The following FBXO16 variants were observed in gnomAD, a reference collection of about 807,000 sequenced individuals.
The protein encoded by FBXO16 is F-box only protein 16.
In FBXO16, 31 loss-of-function variants were observed where a neutral mutation model predicts 41.0. The observed-to-expected ratio is 0.76, with a 90% confidence interval of 0.57 to 1.02. The LOEUF (loss-of-function observed/expected upper bound fraction) is 1.02, where lower values mean the gene tolerates loss of function less well. FBXO16 is among the 50% of genes least tolerant of loss of function. The pLI is 0.00. For synonymous variants in FBXO16, 133 were observed against 117.8 expected (o/e 1.13, Z -0.84); for missense variants, 361 against 346.2 (o/e 1.04, Z -0.34).
At chr8:28,430,740 G>T (rs992514629) in intron 7 of FBXO16, among the ~76,000 whole-genome samples, 3 of 152,178 alleles carry the variant, frequency 2.0e-5, no homozygotes, top group African/African-American at 7.2e-5. Flanking sequence ...GGGAGGCCAA[G>T]GCGGGCGGAT....
At chr8:28,453,599 G>C (rs1369632194) in intron 5 of FBXO16, among the ~76,000 whole-genome samples, 1 of 151,928 alleles carries the variant, frequency 6.6e-6, no homozygotes, top group Admixed American at 6.5e-5. Flanking sequence ...TGTTAATTAA[G>C]AGATTAGGGA....
chr8:28,455,383 T>C (rs1222520483), intron 5 of FBXO16, among the ~76,000 whole-genome samples: 3 of 151,884 alleles, frequency 2.0e-5, no homozygotes, highest in Non-Finnish European at 4.4e-5. Context: ...ACTGCAAGAG[T>C]GTGCTACTGC....
intron 1 of FBXO16, among the ~76,000 whole-genome samples, chr8:28,488,029 T>G (rs1803630482): frequency 6.6e-6 from 1 of 151,814 alleles, no homozygotes; most frequent in Non-Finnish European, 1.5e-5. Context: ...ATTTTTGTAT[T>G]TTTAGTAGAG....
intron 7 of FBXO16, among the ~76,000 whole-genome samples, chr8:28,445,370 T>C (rs772428844): frequency 6.6e-6 from 1 of 152,196 alleles, no homozygotes; most frequent in African/African-American, 2.4e-5. Context: ...CAAAAGCCCA[T>C]GGGGATGGCT....
chr8:28,447,617 C>T (rs1428005478), intron 6 of FBXO16: 1 of 230,348 alleles, frequency 4.3e-6, no homozygotes, highest in African/African-American at 2.3e-5. Flanking sequence ...AAGATCTCTG[C>T]CTCTATATAT....
chr8:28,433,859 C>A (rs953960675), intron 7 of FBXO16, among the ~76,000 whole-genome samples: 1 of 151,286 alleles, frequency 6.6e-6, no homozygotes, highest in African/African-American at 2.4e-5. Context: ...CCAAGAAAGA[C>A]GAGGGTCCCA....
At chr8:28,453,420 A>G (rs1802987351) in intron 5 of FBXO16, among the ~76,000 whole-genome samples, 1 of 151,938 alleles carries the variant, frequency 6.6e-6, no homozygotes, top group African/African-American at 2.4e-5. Flanking sequence ...GAGGTAGACT[A>G]GAAATTTTAT....
At chr8:28,440,290 G>C (rs1802751237) in intron 7 of FBXO16, among the ~76,000 whole-genome samples, 1 of 151,906 alleles carries the variant, frequency 6.6e-6, no homozygotes, top group African/African-American at 2.4e-5. Context: ...TTTTTGCAGA[G>C]ACAGGGTCTC....
intron 1 of FBXO16, among the ~76,000 whole-genome samples, chr8:28,484,630 C>T (rs539927321): frequency 1.2e-3 from 187 of 152,290 alleles, no homozygotes; most frequent in Non-Finnish European, 1.8e-3. Flanking sequence ...CTCGCTCTGT[C>T]GCCCAGGCTG....
At chr8:28,441,561 T>C (rs943779919) in intron 7 of FBXO16, among the ~76,000 whole-genome samples, 3 of 151,766 alleles carry the variant, frequency 2.0e-5, no homozygotes, top group African/African-American at 2.4e-5. Context: ...CATGGCGAAA[T>C]CCTGTCTCTA....
chr8:28,486,871 T>C (rs1049052684), intron 1 of FBXO16, among the ~76,000 whole-genome samples: 1 of 152,004 alleles, frequency 6.6e-6, no homozygotes, highest in Admixed American at 6.6e-5. Flanking sequence ...ATTAAATTCG[T>C]TGTTCTGAAT....
intron 3 of FBXO16, among the ~76,000 whole-genome samples, chr8:28,471,819 A>C (rs945366998): frequency 1.3e-5 from 2 of 150,188 alleles, no homozygotes; most frequent in East Asian, 3.9e-4. Flanking sequence ...AAAAAAAAAA[A>C]AAAAAAAAAA....
chr8:28,489,470 T>C lies in FBXO16; in HGVS notation c.-17+716A>G, dbSNP rs543491325. On this transcript the variant is annotated intron_variant, in intron 1 of 8. Transcript: ENST00000380254. ...CAGGAGGATCTCTTGAGCCCAGGAG[T>C]TGAAGCCCAGGAATTCCAGACCAGC... Among the ~76,000 whole-genome samples the C allele has an allele frequency of 4.8e-5, 7 of 147,062 alleles. No individual in the cohort carries two copies. The South Asian group carries it at 1.3e-3, about 27-fold the overall frequency.
chr8:28,463,642 C>T lies in FBXO16; in HGVS notation c.312G>A (p.Leu104=). The T allele has an allele frequency of 1.2e-6, 2 of 1,614,060 alleles. No homozygotes were observed. The highest frequency in any genetic ancestry group is 1.7e-6 in the Non-Finnish European group (2 of 1,180,004). The change falls in exon 4 of 9, where the codon CTG becomes CTA. Residue 104 remains leucine, a synonymous_variant. Coordinates refer to ENST00000380254, the MANE Select transcript of FBXO16 (RefSeq NM_172366.4). ...RVLSLYIFSF[L]DPRSLCRCAQ... ...CACAACGACAAAGGCTCCGAGGGTC[C>T]AGGAAAGAAAAGATGTATAAAGATA...
intron 2 of FBXO16, among the ~76,000 whole-genome samples, chr8:28,474,884 C>T (rs1803400026): frequency 6.6e-6 from 1 of 152,104 alleles, no homozygotes; most frequent in Admixed American, 6.5e-5. Flanking sequence ...AGTATCTTTA[C>T]ATATTGGTGT....
intron 3 of FBXO16, among the ~76,000 whole-genome samples, chr8:28,469,767 GGC>G (rs1294751258): frequency 1.3e-5 from 2 of 152,178 alleles, no homozygotes; most frequent in Admixed American, 6.5e-5. Context: ...TGGGCATGAT[GGC>G]GCACACCTGT....
rs1318926974 is a variant in FBXO16 at position 28,473,770 on chromosome 8, A to G, written c.135+2T>C. 1 of 1,600,604 alleles carries G rather than the reference A, an allele frequency of 6.2e-7. No homozygotes were observed. The highest frequency in any genetic ancestry group is 8.5e-7 in the Non-Finnish European group (1 of 1,171,078). On this transcript the variant is annotated splice_donor_variant, in intron 3 of 8. Transcript: ENST00000380254. LOFTEE classifies it high-confidence loss of function. The stretch of plus-strand genomic sequence containing the variant: ...GCAAAAATAGTATTTTTAAATGTTT[A>G]CCCATTTGCCAAGCAGGGCTCTTCT...
At chr8:28,473,206 T>G (rs985505674) in intron 3 of FBXO16, among the ~76,000 whole-genome samples, 40 of 152,212 alleles carry the variant, frequency 2.6e-4, no homozygotes, top group African/African-American at 8.2e-4. Flanking sequence ...TCTGTTAAAA[T>G]AAGATACGAC....
chr8:28,442,202 T>C (rs1802792097), intron 7 of FBXO16, among the ~76,000 whole-genome samples: 1 of 151,794 alleles, frequency 6.6e-6, no homozygotes, highest in South Asian at 2.1e-4. Context: ...CCTCCCAAAA[T>C]GTTGGGATTA....
Sources: gnomAD v4.1 joint callset for allele counts (sites outside exome capture counted in the v4.1 genomes callset) on GRCh38, gnomAD v4.1.1 for gene constraint, MANE v1.5 for transcripts, NCBI Gene and HGNC (gene_info 2026-07-23, HGNC 2026-07-21) for gene names.